CPA6: variants seen among roughly 807,000 people sequenced by gnomAD.
CPA6 encodes carboxypeptidase A6.
CPA6 carries 58 observed loss-of-function variants against 63.3 expected under a neutral mutation model. The observed-to-expected ratio is 0.92, with a 90% confidence interval of 0.74 to 1.14. The LOEUF (loss-of-function observed/expected upper bound fraction) is 1.14, where lower values mean the gene tolerates loss of function less well. Among genes scored for constraint, CPA6 ranks in the 50% most tolerant of loss-of-function variants. The pLI, the probability that CPA6 is intolerant of heterozygous loss-of-function variation, is 0.00. For synonymous variants in CPA6, 185 were observed against 179.0 expected (o/e 1.03, Z -0.27); for missense variants, 565 against 526.6 (o/e 1.07, Z -0.71).
intron 2 of CPA6, among the ~76,000 whole-genome samples, chr8:67,545,229 T>C (rs1812790075): frequency 1.3e-5 from 2 of 152,216 alleles, no homozygotes; most frequent in East Asian, 1.9e-4. Flanking sequence ...AAGAATAATG[T>C]AGAAAAATTC....
chr8:67,436,519 G>A (rs999969771), intron 8 of CPA6, among the ~76,000 whole-genome samples: 2 of 151,942 alleles, frequency 1.3e-5, no homozygotes, highest in African/African-American at 2.4e-5. Flanking sequence ...GAACATAAAG[G>A]CAGGCCAGAA....
intron 2 of CPA6, among the ~76,000 whole-genome samples, chr8:67,552,135 TATA>T (rs1812951899): frequency 6.6e-6 from 1 of 152,224 alleles, no homozygotes; most frequent in African/African-American, 2.4e-5. Flanking sequence ...TCATGGAGTT[TATA>T]ATAAAATCTG....
intron 1 of CPA6, among the ~76,000 whole-genome samples, chr8:67,661,451 T>G (rs1816107193): frequency 6.6e-6 from 1 of 152,212 alleles, no homozygotes; most frequent in South Asian, 2.1e-4. Flanking sequence ...ACAAAGGAAC[T>G]TCAGGAAGGC....
intron 9 of CPA6, among the ~76,000 whole-genome samples, 184 bp from the exon 10 acceptor site, chr8:67,428,315 C>A (rs1030930963): frequency 2.0e-5 from 3 of 152,114 alleles, no homozygotes; most frequent in African/African-American, 7.2e-5. Flanking sequence ...TAGAACACAT[C>A]ATTTCATTGA....
intron 9 of CPA6, among the ~76,000 whole-genome samples, chr8:67,433,076 C>T (rs2128952104): frequency 6.6e-6 from 1 of 152,334 alleles, no homozygotes; most frequent in Middle Eastern, 3.4e-3. Flanking sequence ...AAAGACATCA[C>T]ACATTTGGTG....
At chr8:67,540,110 G>A (rs1812672967) in intron 2 of CPA6, among the ~76,000 whole-genome samples, 1 of 151,826 alleles carries the variant, frequency 6.6e-6, no homozygotes, top group Admixed American at 6.6e-5. Context: ...AGCTTTTTTT[G>A]TGCTGGTTTT....
chr8:67,731,763 A>T (rs1427209218), intron 1 of CPA6, among the ~76,000 whole-genome samples: 1 of 152,214 alleles, frequency 6.6e-6, no homozygotes, highest in Non-Finnish European at 1.5e-5. Context: ...CACGGCACCT[A>T]AAGAGATAGA....
At chr8:67,715,808 A>G (rs1313352484) in intron 1 of CPA6, among the ~76,000 whole-genome samples, 1 of 152,208 alleles carries the variant, frequency 6.6e-6, no homozygotes, top group Non-Finnish European at 1.5e-5. Flanking sequence ...GTTATCAGAC[A>G]TATGGATCCT....
chr8:67,474,466 C>T (rs1276225053), intron 8 of CPA6, among the ~76,000 whole-genome samples: 1 of 152,040 alleles, frequency 6.6e-6, no homozygotes, highest in African/African-American at 2.4e-5. Flanking sequence ...CGTGATCCAC[C>T]CACCTCGGCT....
chr8:67,641,900 A>G (rs12542530), intron 1 of CPA6, among the ~76,000 whole-genome samples: 31,706 of 152,164 alleles, frequency 0.21, 3,774 homozygotes, highest in Middle Eastern at 0.33. Context: ...ACATCATTTG[A>G]ATTTCTATAC....
At chr8:67,585,659 A>G (rs999437160) in intron 2 of CPA6, among the ~76,000 whole-genome samples, 5 of 152,176 alleles carry the variant, frequency 3.3e-5, no homozygotes, top group African/African-American at 4.8e-5. Context: ...TGCTAGATAT[A>G]TAAGTATTAA....
chr8:67,559,853 A>AT (rs1813160433), intron 2 of CPA6, among the ~76,000 whole-genome samples: 1 of 66,718 alleles, frequency 1.5e-5, no homozygotes, highest in African/African-American at 4.8e-5. Flanking sequence ...GTTGGACAAA[A>AT]TATATATATA....
At chr8:67,694,414 C>G (rs1218608734) in intron 1 of CPA6, among the ~76,000 whole-genome samples, 2 of 152,230 alleles carry the variant, frequency 1.3e-5, no homozygotes, top group Non-Finnish European at 2.9e-5. Flanking sequence ...GCCCATGTGC[C>G]ACCAAGTTAC....
intron 1 of CPA6, among the ~76,000 whole-genome samples, chr8:67,643,694 G>A (rs1172888309): frequency 1.3e-5 from 2 of 152,130 alleles, no homozygotes; most frequent in Non-Finnish European, 2.9e-5. Context: ...TTAGCTGAGT[G>A]GTGGACATAT....
rs1811881058 is a variant in CPA6 at position 67,504,001 on chromosome 8, T to C, written c.636+2786A>G. Among the ~76,000 whole-genome samples, 3 of 152,158 alleles carry C rather than the reference T, an allele frequency of 2.0e-5. No individual in the cohort carries two copies. In the South Asian group the frequency reaches 6.2e-4, roughly 31 times the overall value. On this transcript the variant is annotated intron_variant, in intron 6 of 10. Coordinates refer to ENST00000297770, the MANE Select transcript of CPA6 (RefSeq NM_020361.5). ...TCCCACTTATGAGAGAACACATGCG[T>C]TGTATTATTTAATCCTCCCAATAAG...
At chr8:67,530,260 T>C (rs1029815047) in intron 2 of CPA6, among the ~76,000 whole-genome samples, 15 of 147,588 alleles carry the variant, frequency 1.0e-4, no homozygotes, top group Non-Finnish European at 1.6e-4. Context: ...TCTGATAAAT[T>C]AAAAAAATCA....
At chr8:67,461,072 AT>A (rs1262578335) in intron 8 of CPA6, among the ~76,000 whole-genome samples, 2 of 146,844 alleles carry the variant, frequency 1.4e-5, no homozygotes, top group African/African-American at 5.2e-5. Flanking sequence ...TTTAATTTTA[AT>A]TTTTTTTATT....
At chr8:67,546,097 C>A (rs1473254924) in intron 2 of CPA6, among the ~76,000 whole-genome samples, 1 of 152,134 alleles carries the variant, frequency 6.6e-6, no homozygotes, top group Non-Finnish European at 1.5e-5. Context: ...CCCTCCCACC[C>A]CAAAACATGT....
At chr8:67,728,629 A>G (rs79201662) in intron 1 of CPA6, among the ~76,000 whole-genome samples, 4 of 152,210 alleles carry the variant, frequency 2.6e-5, no homozygotes, top group Admixed American at 6.5e-5. Context: ...TTTAGAAATG[A>G]AACTGTAGAG....
Sources: gnomAD v4.1 joint callset for allele counts (sites outside exome capture counted in the v4.1 genomes callset) on GRCh38, gnomAD v4.1.1 for gene constraint, MANE v1.5 for transcripts, NCBI Gene and HGNC (gene_info 2026-07-23, HGNC 2026-07-21) for gene names.